The following ZBTB44 variants were observed in gnomAD, a reference collection of about 807,000 sequenced individuals.
ZBTB44 encodes the protein zinc finger and BTB domain-containing protein 44.
In ZBTB44, 15 loss-of-function variants were observed where a neutral mutation model predicts 54.0. The observed-to-expected ratio is 0.28, with a 90% CI of 0.19 to 0.43. The LOEUF (loss-of-function observed/expected upper bound fraction) is 0.43, where lower values mean the gene tolerates loss of function less well. Ranked by LOEUF, ZBTB44 falls within the 20% of genes least tolerant of loss-of-function variation. The pLI is 1.00. For missense variants in ZBTB44, 487 were observed against 707.1 expected, an observed-to-expected ratio of 0.69 and a Z score of 3.53; for synonymous variants, 230 against 250.1, an observed-to-expected ratio of 0.92 and a Z score of 0.76.
At position 130,255,228 on chromosome 11, in the gene ZBTB44, AATAAT is replaced by A. The variant is rs1352919308; in HGVS notation, c.1018+5623_1018+5627del. ...CCCTAGAACTTAAAGTATAGTAAAT[AATAAT>A]ATAATAATAAAAGAAACTCATTCAA... On this transcript the variant is annotated intron_variant, in intron 2 of 7. Transcript: ENST00000357899. 2.6e-5 allele frequency among the ~76,000 whole-genome samples: 4 copies of A among 152,328 alleles called. No individual in the cohort carries two copies. The East Asian group carries it at 5.8e-4, about 22-fold the overall frequency.
chr11:130,239,920 A>G lies in ZBTB44; in HGVS notation c.1019-24T>C, dbSNP rs1459344557. The G allele has an allele frequency of 3.8e-6, 6 of 1,573,736 alleles. No homozygotes were observed. The East Asian group carries it at 6.8e-5, about 18-fold the overall frequency. On this transcript the variant is annotated intron_variant, in intron 2 of 7. Coordinates refer to ENST00000357899, the MANE Select transcript of ZBTB44 (RefSeq NM_001301098.2). ...GCCTGTGAATAAGAGAAAGAGGACC[A>G]CTGTAATCCTTTGGTGTGAATAAGC...
intron 2 of ZBTB44, among the ~76,000 whole-genome samples, chr11:130,250,489 GACTTCCCA>G (rs1023438220): frequency 1.1e-4 from 16 of 152,322 alleles, no homozygotes; most frequent in African/African-American, 3.8e-4. Flanking sequence ...GACTGGGAGA[GACTTCCCA>G]ACAGGGGTGA....
At chr11:130,308,070 G>GCTTAGATATA (rs1416095037) in intron 1 of ZBTB44, among the ~76,000 whole-genome samples, 1 of 152,124 alleles carries the variant, frequency 6.6e-6, no homozygotes, top group Non-Finnish European at 1.5e-5. Flanking sequence ...GTTTAGATAT[G>GCTTAGATATA]CTTAGATATA....
At chr11:130,237,274 G>A (rs527417521) in intron 4 of ZBTB44, among the ~76,000 whole-genome samples, 181 bp from the exon 5 acceptor site, 1 of 152,230 alleles carries the variant, frequency 6.6e-6, no homozygotes, top group East Asian at 1.9e-4. Context: ...AAAGTCACAA[G>A]TGCTTAAAAA....
At chr11:130,268,334 T>C (rs967600142) in intron 1 of ZBTB44, among the ~76,000 whole-genome samples, 6 of 152,126 alleles carry the variant, frequency 3.9e-5, no homozygotes, top group Non-Finnish European at 7.4e-5. Flanking sequence ...CAATCTTCAG[T>C]GACCTCCATC....
At chr11:130,257,638 A>G (rs1323468248) in intron 2 of ZBTB44, among the ~76,000 whole-genome samples, 1 of 152,162 alleles carries the variant, frequency 6.6e-6, no homozygotes, top group African/African-American at 2.4e-5. Flanking sequence ...GCCTCTGACT[A>G]TGAGAGAATA....
chr11:130,289,249 G>A (rs1388366656), intron 1 of ZBTB44, among the ~76,000 whole-genome samples: 1 of 152,140 alleles, frequency 6.6e-6, no homozygotes, highest in Non-Finnish European at 1.5e-5. Flanking sequence ...CTGGGAGGCT[G>A]AGGAATGTGG....
chr11:130,259,424 A>G (rs1286320685), intron 2 of ZBTB44, among the ~76,000 whole-genome samples: 1 of 152,156 alleles, frequency 6.6e-6, no homozygotes, highest in Non-Finnish European at 1.5e-5. Context: ...AAACAGAAAT[A>G]CCATTCGACC....
At chr11:130,273,262 T>C (rs559281762) in intron 1 of ZBTB44, among the ~76,000 whole-genome samples, 1 of 152,086 alleles carries the variant, frequency 6.6e-6, no homozygotes, top group East Asian at 1.9e-4. Context: ...TTTTCTTTGT[T>C]AAATTTATTC....
At chr11:130,245,822 CCA>C (rs1423324927) in intron 2 of ZBTB44, among the ~76,000 whole-genome samples, 2 of 152,198 alleles carry the variant, frequency 1.3e-5, no homozygotes, top group African/African-American at 4.8e-5. Context: ...AGAATAAAAA[CCA>C]CACTGTCTGG....
chr11:130,308,918 G>C (rs1942428237), intron 1 of ZBTB44, among the ~76,000 whole-genome samples: 1 of 152,192 alleles, frequency 6.6e-6, no homozygotes, highest in South Asian at 2.1e-4. Flanking sequence ...GGTGGGAAAA[G>C]GGTACAGCAA....
chr11:130,233,232 C>T (rs111873348), intron 7 of ZBTB44, 76 bp downstream of exon 7: 31 of 967,452 alleles, frequency 3.2e-5, no homozygotes, highest in Admixed American at 5.9e-5. Context: ...GCATTACATT[C>T]GGAGACCAGG....
At chr11:130,269,239 A>G (rs1939496246) in intron 1 of ZBTB44, among the ~76,000 whole-genome samples, 1 of 151,812 alleles carries the variant, frequency 6.6e-6, no homozygotes, top group Non-Finnish European at 1.5e-5. Context: ...CAGTGAGCCG[A>G]GATCACACTA....
chr11:130,299,743 G>T (rs1212158884), intron 1 of ZBTB44, among the ~76,000 whole-genome samples: 1 of 151,790 alleles, frequency 6.6e-6, no homozygotes, highest in Non-Finnish European at 1.5e-5. Context: ...ATAGAAAACA[G>T]TATAGAGGGG....
chr11:130,235,519 T>TA (rs963028312), intron 5 of ZBTB44, among the ~76,000 whole-genome samples: 2 of 152,178 alleles, frequency 1.3e-5, no homozygotes, highest in Non-Finnish European at 1.5e-5. Context: ...AATAAGGTTT[T>TA]AAGTCAGGGG....
chr11:130,244,836 T>C (rs982392906), intron 2 of ZBTB44, among the ~76,000 whole-genome samples: 29 of 152,272 alleles, frequency 1.9e-4, no homozygotes, highest in African/African-American at 6.0e-4. Flanking sequence ...TTTGGAACAC[T>C]TGAATTGCTG....
intron 2 of ZBTB44, among the ~76,000 whole-genome samples, chr11:130,246,912 C>T (rs1323229103): frequency 6.6e-6 from 1 of 152,156 alleles, no homozygotes; most frequent in South Asian, 2.1e-4. Context: ...TGTGCAATCA[C>T]AAACATACCA....
chr11:130,245,920 C>A (rs1401530826), intron 2 of ZBTB44, among the ~76,000 whole-genome samples: 1 of 152,162 alleles, frequency 6.6e-6, no homozygotes, highest in East Asian at 1.9e-4. Context: ...TAGCAGATGG[C>A]CCTTCTTAAA....
At chr11:130,245,655 T>C (rs2136323118) in intron 2 of ZBTB44, among the ~76,000 whole-genome samples, 1 of 152,080 alleles carries the variant, frequency 6.6e-6, no homozygotes, top group Non-Finnish European at 1.5e-5. Flanking sequence ...GGCATCGGCT[T>C]CTCACTATCA....
Sources: gnomAD v4.1 joint callset for allele counts (sites outside exome capture counted in the v4.1 genomes callset) on GRCh38, gnomAD v4.1.1 for gene constraint, MANE v1.5 for transcripts, NCBI Gene and HGNC (gene_info 2026-07-23, HGNC 2026-07-21) for gene names.